STYXL1: variants seen among roughly 807,000 people sequenced by gnomAD.
The protein encoded by STYXL1 is serine/threonine/tyrosine-interacting-like protein 1.
STYXL1 carries 32 observed loss-of-function variants against 36.4 expected under a neutral mutation model. The ratio of observed to expected loss-of-function variants is 0.88; its 90% confidence interval spans 0.66 to 1.18. STYXL1 has a LOEUF of 1.18. Among genes scored for constraint, STYXL1 ranks in the 50% most tolerant of loss-of-function variants. The probability of loss-of-function intolerance (pLI) is 0.00; values close to 1 mark genes in which losing one functional copy is unlikely to be tolerated. For missense variants in STYXL1, 354 were observed against 394.1 expected (o/e 0.90, Z 0.86); for synonymous variants, 133 against 144.1 (o/e 0.92, Z 0.55).
chr7:76,038,961 T>TTC (rs1554581467), intron 1 of STYXL1, among the ~76,000 whole-genome samples: 1 of 146,576 alleles, frequency 6.8e-6, no homozygotes, highest in Non-Finnish European at 1.5e-5. Context: ...TTTTTTTTTT[T>TTC]TTTTGAGACG....
At chr7:76,039,367 C>T (rs1554581630) in intron 1 of STYXL1, among the ~76,000 whole-genome samples, 2 of 152,012 alleles carry the variant, frequency 1.3e-5, no homozygotes, top group Non-Finnish European at 2.9e-5. Context: ...TGAGCCACTG[C>T]GCCCAGCCAA....
rs1554576425 is a variant in STYXL1, at chr7:76,022,004, AAAC to A, written c.166-15_166-13del. On this transcript the variant is annotated splice_polypyrimidine_tract_variant and intron_variant, in intron 3 of 8. Transcript: ENST00000359697. ...TATTCATTATTTTTCTTAAAAAAAA[AAAC>A]ACACACACACAAGAGAGGCCTGTTG... The A allele has an allele frequency of 1.3e-6, 2 of 1,597,824 alleles. No homozygotes were observed. Among genetic ancestry groups the A allele is most frequent in the African/African-American group, 1.3e-5 (1 of 74,244 alleles).
chr7:76,030,606 A>G (rs781795803), intron 1 of STYXL1, 79 bp from the exon 2 acceptor site: 1 of 848,672 alleles, frequency 1.2e-6, no homozygotes, highest in Non-Finnish European at 2.0e-6. Context: ...AATGAATTAA[A>G]CTCTTTTTTA....
intron 1 of STYXL1, among the ~76,000 whole-genome samples, chr7:76,030,850 TAAAAAAA>T (rs1160725857): frequency 3.0e-4 from 17 of 57,082 alleles, no homozygotes; most frequent in Non-Finnish European, 5.1e-4. Flanking sequence ...CCATCTCTAC[TAAAAAAA>T]AAAAAAAAAA....
Position 76,021,949 on chromosome 7 carries a change from C to G in STYXL1, c.209G>C (p.Cys70Ser), listed in dbSNP as rs575779381. The G allele has an allele frequency of 6.2e-7, 1 of 1,613,120 alleles. No individual in the cohort carries two copies. The highest frequency in any genetic ancestry group is 1.3e-5 in the African/African-American group (1 of 74,858). ...ATCATACACCACGCAGTACTTCACA[C>G]ACTCCAGGTCCACAGACTCCGGGAG... ...YLLPESVDLECVKYCVVYDNN... is the reference protein window; with the variant it reads ...YLLPESVDLESVKYCVVYDNN... Residue 70 changes from cysteine to serine, a missense_variant, in exon 4 of 9, where the codon TGT becomes TCT. Transcript: ENST00000359697.
chr7:76,000,809 G>T, intron 8 of STYXL1, 81 bp downstream of exon 8: 2 of 1,254,924 alleles, frequency 1.6e-6, no homozygotes, highest in Admixed American at 3.4e-5. Context: ...CAGTGCTGGG[G>T]CCCCACTCCT....
chr7:76,034,501 T>C (rs1214012888), intron 1 of STYXL1, among the ~76,000 whole-genome samples: 4 of 152,172 alleles, frequency 2.6e-5, no homozygotes, highest in Non-Finnish European at 5.9e-5. Flanking sequence ...GAAAAAGCAC[T>C]CTCCAAGCTT....
intron 4 of STYXL1, among the ~76,000 whole-genome samples, chr7:76,019,552 C>A (rs1415421057): frequency 2.0e-5 from 3 of 151,958 alleles, no homozygotes; most frequent in Non-Finnish European, 2.9e-5. Flanking sequence ...AACCCTCCTG[C>A]CTCAGCCTCA....
At chr7:76,022,093 G>T in intron 3 of STYXL1, 101 bp from the exon 4 acceptor site, 2 of 1,519,496 alleles carry the variant, frequency 1.3e-6, no homozygotes, top group Non-Finnish European at 8.7e-7. Flanking sequence ...AGCTAAGACC[G>T]CACTCTCTCC....
chr7:76,004,988 G>A (rs1791479710), intron 6 of STYXL1, among the ~76,000 whole-genome samples: 1 of 152,234 alleles, frequency 6.6e-6, no homozygotes, highest in African/African-American at 2.4e-5. Context: ...GTGACAGAGT[G>A]AGACTCCGTC....
At chr7:76,046,313 TGTGTGTGTGTGTGTGTGTGTGTGTGTGC>T (rs1490868627) in intron 1 of STYXL1, among the ~76,000 whole-genome samples, 6,474 of 68,508 alleles carry the variant, frequency 0.094, 328 homozygotes, top group Non-Finnish European at 0.14. Flanking sequence ...TGTGTGTGTG[TGTGTGTGTGTGTGTGTGTGTGTGTGTGC>T]GCGCGCGCGC....
intron 4 of STYXL1, among the ~76,000 whole-genome samples, chr7:76,016,101 T>C (rs1193464244): frequency 6.6e-6 from 1 of 152,130 alleles, no homozygotes; most frequent in African/African-American, 2.4e-5. Context: ...TGTATCTACA[T>C]ATACACGCAT....
At chr7:76,046,879 G>A (rs1483938635) in intron 1 of STYXL1, among the ~76,000 whole-genome samples, 1 of 151,486 alleles carries the variant, frequency 6.6e-6, no homozygotes, top group Non-Finnish European at 1.5e-5. Flanking sequence ...ATGAACTCCT[G>A]GCCTCAAGTG....
intron 3 of STYXL1, among the ~76,000 whole-genome samples, chr7:76,026,186 T>C (rs1794687989): frequency 2.4e-5 from 1 of 42,542 alleles, no homozygotes; most frequent in Non-Finnish European, 4.4e-5. Context: ...AGCAAGACTC[T>C]GTCTCCAAAA....
chr7:76,012,846 TTGTG>T (rs1350398872), intron 5 of STYXL1, among the ~76,000 whole-genome samples: 1 of 152,182 alleles, frequency 6.6e-6, no homozygotes, highest in East Asian at 1.9e-4. Context: ...CTTCCCACTT[TTGTG>T]TATTTTTGTA....
At chr7:76,025,098 A>G (rs538717672) in intron 3 of STYXL1, among the ~76,000 whole-genome samples, 1 of 140,214 alleles carries the variant, frequency 7.1e-6, no homozygotes, top group African/African-American at 2.7e-5. Context: ...ACTGGGAATG[A>G]GGCTGGAGAC....
At chr7:76,015,880 T>C (rs1353618414) in intron 4 of STYXL1, among the ~76,000 whole-genome samples, 1 of 152,046 alleles carries the variant, frequency 6.6e-6, no homozygotes, top group Non-Finnish European at 1.5e-5. Flanking sequence ...CAACCAGAAA[T>C]ACATGAAAAC....
chr7:76,038,768 A>T lies in STYXL1; in HGVS notation c.-4-8241T>A, dbSNP rs936928094. ...CAAGGCGAGCTAACTAACTCTTGTC[A>T]TATTTGGGTTACATTTTGTTTTGCT... On this transcript the variant is annotated intron_variant, in intron 1 of 8. Transcript: ENST00000359697. 1.4e-4 allele frequency among the ~76,000 whole-genome samples: 20 copies of T among 144,242 alleles called. 2 individuals carry two copies. The highest frequency in any genetic ancestry group is 5.8e-4 in the African/African-American group (20 of 34,574). The allele number at this position is 144,242 out of a possible 152,430, so 94.6% of individuals were successfully genotyped here.
intron 5 of STYXL1, among the ~76,000 whole-genome samples, chr7:76,011,790 C>T (rs1792582906): frequency 6.6e-6 from 1 of 152,206 alleles, no homozygotes; most frequent in South Asian, 2.1e-4. Context: ...AGATTTGGCT[C>T]TGGGAAGCTC....
Sources: gnomAD v4.1 joint callset for allele counts (sites outside exome capture counted in the v4.1 genomes callset) on GRCh38, gnomAD v4.1.1 for gene constraint, MANE v1.5 for transcripts, NCBI Gene and HGNC (gene_info 2026-07-23, HGNC 2026-07-21) for gene names.